The following KRABD5 variants were observed in gnomAD, a reference collection of about 807,000 sequenced individuals.
KRABD5 encodes the protein KRAB domain-containing protein 5.
chr16:31,744,042 C>T, the KRABD5 span, among the ~76,000 whole-genome samples: 1 of 152,072 alleles, frequency 6.6e-6, no homozygotes, highest in Non-Finnish European at 1.5e-5. Context: ...GACTGGTTTT[C>T]TAAATATAAA....
chr16:31,714,699 C>A, the KRABD5 span, among the ~76,000 whole-genome samples: 1 of 152,182 alleles, frequency 6.6e-6, no homozygotes, highest in African/African-American at 2.4e-5. Context: ...TGGGGAGCGC[C>A]CCCTTCAGGT....
the KRABD5 span, among the ~76,000 whole-genome samples, chr16:31,729,022 T>C: frequency 1.3e-5 from 2 of 152,366 alleles, no homozygotes; most frequent in East Asian, 1.9e-4. Context: ...TCTATTATTA[T>C]ATAGTTAACT....
chr16:31,755,122 G>A, the KRABD5 span: 4 of 491,144 alleles, frequency 8.1e-6, no homozygotes, highest in Non-Finnish European at 1.7e-5. Context: ...ATACTGGAGA[G>A]AAACCCTATA....
At chr16:31,753,229 A>C in the KRABD5 span, among the ~76,000 whole-genome samples, 330 of 152,190 alleles carry the variant, frequency 2.2e-3, no homozygotes, top group Non-Finnish European at 4.1e-3. Flanking sequence ...TTTTTCTCTT[A>C]GGAGCCTTTA....
At chr16:31,728,680 C>G in the KRABD5 span, among the ~76,000 whole-genome samples, 1 of 152,014 alleles carries the variant, frequency 6.6e-6, no homozygotes, top group African/African-American at 2.4e-5. Flanking sequence ...AATCTTTATA[C>G]ATTTGAAAAG....
the KRABD5 span, among the ~76,000 whole-genome samples, chr16:31,739,011 A>G: frequency 2.0e-5 from 3 of 152,352 alleles, no homozygotes; most frequent in East Asian, 5.8e-4. Context: ...CTGTGAATCC[A>G]TTAGCACAGA....
chr16:31,720,900 A>C, the KRABD5 span, among the ~76,000 whole-genome samples: 1 of 152,270 alleles, frequency 6.6e-6, no homozygotes, highest in South Asian at 2.1e-4. Context: ...GACCGTAAAT[A>C]CTGGTTTTTG....
the KRABD5 span, among the ~76,000 whole-genome samples, chr16:31,741,220 C>T: frequency 1.3e-5 from 2 of 152,186 alleles, no homozygotes; most frequent in African/African-American, 4.8e-5. Context: ...CATTGATGGG[C>T]ATCTAGGCTG....
At chr16:31,731,335 T>C in the KRABD5 span, among the ~76,000 whole-genome samples, 1 of 148,986 alleles carries the variant, frequency 6.7e-6, no homozygotes, top group Non-Finnish European at 1.5e-5. Context: ...TAGATAGTCA[T>C]GGATCCCGTC....
At chr16:31,755,674 A>C in the KRABD5 span, 1 of 465,866 alleles carries the variant, frequency 2.1e-6, no homozygotes, top group South Asian at 1.6e-5. Context: ...ATCGATGCTC[A>C]ACCCTTACTC....
the KRABD5 span, among the ~76,000 whole-genome samples, chr16:31,717,008 T>G: frequency 6.8e-6 from 1 of 146,004 alleles, no homozygotes; most frequent in African/African-American, 2.5e-5. Context: ...TTTTTTTTTT[T>G]TTTTTTTTTT....
the KRABD5 span, among the ~76,000 whole-genome samples, chr16:31,724,838 TC>T: frequency 6.6e-6 from 1 of 152,190 alleles, no homozygotes; most frequent in Non-Finnish European, 1.5e-5. Flanking sequence ...GACCAGTATC[TC>T]CCCAGTTTTA....
At chr16:31,759,269 C>G in the KRABD5 span, 2 of 1,380,208 alleles carry the variant, frequency 1.4e-6, no homozygotes, top group South Asian at 2.7e-5. Context: ...AAACCAAGCA[C>G]ACATCCTGGA....
the KRABD5 span, chr16:31,713,582 G>A: frequency 8.2e-7 from 1 of 1,215,068 alleles, no homozygotes; most frequent in Non-Finnish European, 1.1e-6. Flanking sequence ...GCAAGATGGC[G>A]GCCGGGCCGG....
At chr16:31,726,948 C>T in the KRABD5 span, among the ~76,000 whole-genome samples, 1 of 152,028 alleles carries the variant, frequency 6.6e-6, no homozygotes, top group Admixed American at 6.5e-5. Context: ...GTGTCTTTTT[C>T]AATTGTATTC....
At chr16:31,759,448 A>G in the KRABD5 span, 9 of 1,526,908 alleles carry the variant, frequency 5.9e-6, no homozygotes, top group Non-Finnish European at 8.0e-6. Flanking sequence ...GGGTGATGAA[A>G]GTGTTGCTTC....
At chr16:31,722,641 A>G in the KRABD5 span, 1 of 1,613,136 alleles carries the variant, frequency 6.2e-7, no homozygotes, top group Non-Finnish European at 8.5e-7. Context: ...GTTGACATTC[A>G]GGGATGTGGC....
the KRABD5 span, among the ~76,000 whole-genome samples, chr16:31,742,749 A>T: frequency 2.6e-5 from 4 of 152,324 alleles, no homozygotes; most frequent in East Asian, 7.7e-4. Context: ...TGTCTTCCAC[A>T]GTGGCTGAAC....
chr16:31,753,919 A>G, the KRABD5 span: 6 of 1,551,076 alleles, frequency 3.9e-6, no homozygotes, highest in African/African-American at 4.1e-5. Flanking sequence ...GAAGGTCACA[A>G]TGGATATTAT....
Sources: gnomAD v4.1 joint callset for allele counts (sites outside exome capture counted in the v4.1 genomes callset) on GRCh38, gnomAD v4.1.1 for gene constraint, MANE v1.5 for transcripts, NCBI Gene and HGNC (gene_info 2026-07-23, HGNC 2026-07-21) for gene names.